Variants in LSAMP observed in about 807,000 individuals in gnomAD.
The protein encoded by LSAMP is limbic system-associated membrane protein.
In LSAMP, 7 loss-of-function variants were observed where a neutral mutation model predicts 38.6. The observed-to-expected ratio is 0.18, with a 90% CI of 0.10 to 0.34. The LOEUF (loss-of-function observed/expected upper bound fraction) is 0.34, where lower values mean the gene tolerates loss of function less well. Ranked by LOEUF, LSAMP falls within the 10% of genes least tolerant of loss-of-function variation. The probability of loss-of-function intolerance (pLI) is 1.00; values close to 1 mark genes in which losing one functional copy is unlikely to be tolerated. For missense variants in LSAMP, 313 were observed against 420.0 expected (o/e 0.75, Z 2.23); for synonymous variants, 154 against 166.8 (o/e 0.92, Z 0.59).
chr3:115,996,801 T>C (rs1206283617), intron 3 of LSAMP, among the ~76,000 whole-genome samples: 1 of 152,116 alleles, frequency 6.6e-6, no homozygotes, highest in Non-Finnish European at 1.5e-5. Context: ...CCCTTCAAGT[T>C]ATCAAGAAAA....
intron 6 of LSAMP, among the ~76,000 whole-genome samples, chr3:115,831,526 T>C (rs572315716): frequency 1.3e-5 from 2 of 152,176 alleles, no homozygotes; most frequent in Admixed American, 1.3e-4. Context: ...TGCACTTCCA[T>C]TATGAAGAAG....
chr3:116,022,237 C>CT (rs56287908), intron 2 of LSAMP, among the ~76,000 whole-genome samples: 199 of 148,666 alleles, frequency 1.3e-3, no homozygotes, highest in Admixed American at 3.4e-3. Context: ...TTATTAACTT[C>CT]TTTTTTTTTT....
chr3:116,386,164 T>C lies in LSAMP; in HGVS notation c.155+58713A>G, dbSNP rs185759413. On this transcript the variant is annotated intron_variant, in intron 1 of 6. Transcript: ENST00000490035. ...TGCTTAAAAACCCTAAAGCTCCTAG[T>C]ACATAGTAACTGCCAATAACACAAT... Among the ~76,000 whole-genome samples the C allele has an allele frequency of 3.7e-3, 564 of 152,232 alleles. 7 individuals carry two copies. Among genetic ancestry groups the C allele is most frequent in the Non-Finnish European group, 3.6e-3 (246 of 68,030 alleles).
chr3:115,810,560 C>T (rs1389363539), intron 6 of LSAMP, 146 bp from the exon 7 acceptor site: 13 of 672,380 alleles, frequency 1.9e-5, no homozygotes, highest in African/African-American at 1.8e-5. Context: ...GCCCAAGAAG[C>T]GCTCAAAACT....
At chr3:116,139,708 G>A (rs1175436914) in intron 1 of LSAMP, among the ~76,000 whole-genome samples, 3 of 151,922 alleles carry the variant, frequency 2.0e-5, no homozygotes, top group Non-Finnish European at 4.4e-5. Flanking sequence ...TAGCACACAT[G>A]AGGCTTATTT....
chr3:116,192,554 T>C (rs564932793), intron 1 of LSAMP, among the ~76,000 whole-genome samples: 61 of 152,290 alleles, frequency 4.0e-4, no homozygotes, highest in Middle Eastern at 3.4e-3. Flanking sequence ...CCCAATACAC[T>C]GGTGGGAATG....
intron 3 of LSAMP, among the ~76,000 whole-genome samples, chr3:115,932,825 A>G (rs1027608222): frequency 3.3e-5 from 5 of 152,196 alleles, no homozygotes; most frequent in African/African-American, 1.2e-4. Flanking sequence ...ATTCCTAATG[A>G]TGTTCAAGTA....
chr3:116,134,916 T>A (rs1050869963), intron 1 of LSAMP, among the ~76,000 whole-genome samples: 1 of 152,312 alleles, frequency 6.6e-6, no homozygotes, highest in African/African-American at 2.4e-5. Context: ...GAATCCACAT[T>A]AATATATCTT....
intron 2 of LSAMP, among the ~76,000 whole-genome samples, chr3:116,078,417 C>T (rs921175656): frequency 5.9e-5 from 9 of 151,840 alleles, no homozygotes; most frequent in Admixed American, 1.3e-4. Flanking sequence ...CTCCGCCTCC[C>T]GGGTTCACTC....
intron 3 of LSAMP, among the ~76,000 whole-genome samples, chr3:116,019,312 C>T (rs1417209269): frequency 6.6e-6 from 1 of 152,016 alleles, no homozygotes; most frequent in East Asian, 1.9e-4. Flanking sequence ...TTAGCAAAGA[C>T]CATGAGGACC....
intron 2 of LSAMP, among the ~76,000 whole-genome samples, chr3:116,079,397 GCCTGTAAT>G (rs1559734434): frequency 6.6e-6 from 1 of 152,156 alleles, no homozygotes; most frequent in African/African-American, 2.4e-5. Flanking sequence ...GGTGGCTTAC[GCCTGTAAT>G]CCCAGCACAA....
chr3:116,293,042 G>A (rs1274725391), intron 1 of LSAMP, among the ~76,000 whole-genome samples: 1 of 152,112 alleles, frequency 6.6e-6, no homozygotes, highest in African/African-American at 2.4e-5. Flanking sequence ...AGCCCAAAGA[G>A]GTTCATTTTA....
intron 1 of LSAMP, among the ~76,000 whole-genome samples, chr3:116,298,766 T>G (rs1285747456): frequency 6.6e-6 from 1 of 152,340 alleles, no homozygotes; most frequent in African/African-American, 2.4e-5. Flanking sequence ...GCACTTACAA[T>G]TTTTGAATTC....
At chr3:116,253,219 A>C (rs1477234170) in intron 1 of LSAMP, among the ~76,000 whole-genome samples, 1 of 63,004 alleles carries the variant, frequency 1.6e-5, no homozygotes, top group African/African-American at 4.4e-5. Context: ...TACGGAAAAT[A>C]AATACAGAAA....
chr3:115,853,289 T>C (rs1422585874), intron 3 of LSAMP, among the ~76,000 whole-genome samples: 1 of 152,244 alleles, frequency 6.6e-6, no homozygotes, highest in Non-Finnish European at 1.5e-5. Context: ...CTCTGTTCTA[T>C]ATCAAACTAC....
intron 6 of LSAMP, among the ~76,000 whole-genome samples, chr3:115,814,725 A>G (rs1933955935): frequency 6.6e-6 from 1 of 152,238 alleles, no homozygotes; most frequent in African/African-American, 2.4e-5. Flanking sequence ...CAGCCATACG[A>G]GAAAAAAAGC....
At chr3:116,378,646 T>C (rs2048520705) in intron 1 of LSAMP, among the ~76,000 whole-genome samples, 1 of 152,036 alleles carries the variant, frequency 6.6e-6, no homozygotes, top group South Asian at 2.1e-4. Context: ...ATTTATGAAA[T>C]AGATACTATT....
In LSAMP at chr3:116,170,729, T is replaced by C. The variant is rs138935021; in HGVS notation, c.156-84173A>G. 8.0e-4 allele frequency among the ~76,000 whole-genome samples: 122 copies of C among 152,290 alleles called. No homozygotes were observed. The Middle Eastern group carries it at 0.014, about 17-fold the overall frequency. Reference sequence around the variant, plus strand: ...GCAGTGAAATTAGCATTCAATATATTAATAACTACTTGGATGATTTTGGCT... The same window carrying C: ...GCAGTGAAATTAGCATTCAATATATCAATAACTACTTGGATGATTTTGGCT... On this transcript the variant is annotated intron_variant, in intron 1 of 6. Coordinates refer to ENST00000490035, the MANE Select transcript of LSAMP (RefSeq NM_002338.5).
In LSAMP at chr3:116,127,695, ATTTTTTTTTTTTT is replaced by A. The variant is rs67470158; in HGVS notation, c.156-41152_156-41140del. ...GTCGGCAAGTTTTCAGTGTTTGTTC[ATTTTTTTTTTTTT>A]TTTTTTTTTTTTTGGTAGACCTGTT... On this transcript the variant is annotated intron_variant, in intron 1 of 6. Transcript: ENST00000490035. 6.2e-5 allele frequency among the ~76,000 whole-genome samples: 6 copies of A among 96,654 alleles called. No homozygotes were observed. The South Asian group carries it at 2.1e-3, about 34-fold the overall frequency. The allele number at this position is 96,654 out of a possible 152,430, so 63.4% of individuals were successfully genotyped here.
Sources: allele counts gnomAD v4.1 joint callset (sites outside exome capture counted in the v4.1 genomes callset), GRCh38; gene constraint gnomAD v4.1.1; transcripts MANE v1.5; gene names NCBI Gene and HGNC (gene_info 2026-07-23, HGNC 2026-07-21).